The following KPNA6 variants were observed in gnomAD, a reference collection of about 807,000 sequenced individuals.
KPNA6 encodes importin subunit alpha-7.
Under a neutral mutation model 72.0 loss-of-function variants are expected in KPNA6, and 9 were observed. The observed-to-expected ratio is 0.13, with a 90% CI of 0.08 to 0.22. The LOEUF is 0.22. KPNA6 is among the 10% of genes least tolerant of loss of function. KPNA6 has a pLI of 1.00. For synonymous variants in KPNA6, 219 were observed against 242.1 expected (o/e 0.90, Z 0.89); for missense variants, 374 against 655.7 (o/e 0.57, Z 4.69).
chr1:32,168,763 A>G (rs1166426030), intron 12 of KPNA6, among the ~76,000 whole-genome samples: 1 of 152,146 alleles, frequency 6.6e-6, no homozygotes, highest in East Asian at 1.9e-4. Flanking sequence ...CTTGGAAGGG[A>G]ATAATGGGAG....
chr1:32,154,559 T>A, intron 1 of KPNA6, 29 bp from the exon 2 acceptor site: 1 of 1,600,256 alleles, frequency 6.2e-7, no homozygotes, highest in Non-Finnish European at 8.5e-7. Context: ...CTCTCAAGAG[T>A]TTTTGGCAGT....
At chr1:32,143,477 TGAG>T (rs1641875401) in intron 1 of KPNA6, among the ~76,000 whole-genome samples, 1 of 150,788 alleles carries the variant, frequency 6.6e-6, no homozygotes, top group Admixed American at 6.6e-5. Flanking sequence ...CCCCACTACT[TGAG>T]GAGAATCACT....
At chr1:32,157,062 C>T (rs191052978) in intron 3 of KPNA6, 117 bp downstream of exon 3, 1 of 715,598 alleles carries the variant, frequency 1.4e-6, no homozygotes, top group East Asian at 2.6e-5. Context: ...GTTCTTTCCT[C>T]TGTGGACCCT....
chr1:32,115,853 C>T (rs1447752944), intron 1 of KPNA6, among the ~76,000 whole-genome samples: 1 of 152,272 alleles, frequency 6.6e-6, no homozygotes, highest in East Asian at 1.9e-4. Context: ...AAGCGATTCT[C>T]CTGCCTCAGC....
intron 1 of KPNA6, among the ~76,000 whole-genome samples, chr1:32,121,176 C>T (rs1009461583): frequency 6.6e-6 from 1 of 152,128 alleles, no homozygotes; most frequent in Non-Finnish European, 1.5e-5. Context: ...CTGGCCGTAC[C>T]TAGGAGCTCT....
At chr1:32,165,078 GT>G (rs531487211) in intron 10 of KPNA6, among the ~76,000 whole-genome samples, 2 of 149,610 alleles carry the variant, frequency 1.3e-5, no homozygotes, top group Admixed American at 6.7e-5. Context: ...TTTTGAATTT[GT>G]TTTTTTTTGG....
intron 12 of KPNA6, among the ~76,000 whole-genome samples, chr1:32,169,486 G>A (rs901084904): frequency 1.9e-4 from 27 of 144,438 alleles, no homozygotes; most frequent in East Asian, 6.2e-4. Context: ...TCACTCTGTC[G>A]CCCAGGCTGG....
chr1:32,162,335 A>C, intron 8 of KPNA6, 26 bp from the exon 9 acceptor site: 1 of 1,554,130 alleles, frequency 6.4e-7, no homozygotes, highest in African/African-American at 1.4e-5. Context: ...TTCCCCTGTG[A>C]GTCTTTCTCA....
intron 1 of KPNA6, among the ~76,000 whole-genome samples, chr1:32,115,424 C>T (rs1641313515): frequency 1.3e-5 from 2 of 152,064 alleles, no homozygotes; most frequent in Admixed American, 1.3e-4. Flanking sequence ...AAGGCGTGAG[C>T]CACTGTGCCC....
chr1:32,165,107 A>G (rs542043743), intron 10 of KPNA6, among the ~76,000 whole-genome samples: 3 of 151,960 alleles, frequency 2.0e-5, no homozygotes, highest in Non-Finnish European at 4.4e-5. Context: ...GGGTTTTACC[A>G]TGTTGCCCAG....
intron 6 of KPNA6, 83 bp from the exon 7 acceptor site, chr1:32,160,532 G>A (rs973157279): frequency 1.3e-5 from 13 of 992,028 alleles, no homozygotes; most frequent in East Asian, 4.8e-5. Flanking sequence ...ATCCTGGTGG[G>A]TACTCACTTT....
At chr1:32,169,400 C>T (rs1251142496) in intron 12 of KPNA6, among the ~76,000 whole-genome samples, 1 of 150,898 alleles carries the variant, frequency 6.6e-6, no homozygotes, top group African/African-American at 2.4e-5. Context: ...GGAACACTCT[C>T]ATTCTCTGGC....
chr1:32,149,704 T>C (rs752862642), intron 1 of KPNA6, among the ~76,000 whole-genome samples: 1 of 152,232 alleles, frequency 6.6e-6, no homozygotes, highest in Non-Finnish European at 1.5e-5. Context: ...GGTATCATTT[T>C]CCTTCTACTT....
chr1:32,159,551 T>C lies in KPNA6; in HGVS notation c.558+20T>C. 1 of 1,611,010 alleles carries C rather than the reference T, an allele frequency of 6.2e-7. No homozygotes were observed. Among genetic ancestry groups the C allele is most frequent in the Non-Finnish European group, 8.5e-7 (1 of 1,178,264 alleles). The stretch of plus-strand genomic sequence containing the variant: ...GAACAGGTAATGCTTAGATTTGGTG[T>C]GATTCTTTATAGTACCTGTGGTATA... On this transcript the variant is annotated intron_variant, in intron 6 of 13. Transcript: ENST00000373625.
intron 1 of KPNA6, among the ~76,000 whole-genome samples, chr1:32,154,278 G>C (rs933197630): frequency 9.2e-5 from 14 of 152,188 alleles, no homozygotes; most frequent in African/African-American, 3.4e-4. Flanking sequence ...ACAGGAGCTT[G>C]TCCAAGGTTG....
rs190675899 is a variant in KPNA6 at position 32,172,627 on chromosome 1, G to A, written c.*1733G>A. The A allele has an allele frequency of 3.7e-3, 575 of 153,446 alleles. 3 individuals are homozygous for A. Among genetic ancestry groups the A allele is most frequent in the Non-Finnish European group, 5.3e-3 (367 of 69,330 alleles). 9.5% of individuals were successfully genotyped at this position (153,446 alleles called of 1,614,324 possible). On this transcript the variant is annotated 3_prime_UTR_variant, in exon 14 of 14. Transcript: ENST00000373625. Reference sequence around the variant, plus strand: ...TTCTTTCTGTTTGAATTACGGTAGTGCATTGCCTTAGTGGCTTGCCTGTGC... The same window carrying A: ...TTCTTTCTGTTTGAATTACGGTAGTACATTGCCTTAGTGGCTTGCCTGTGC...
chr1:32,142,449 C>A (rs1375692192), intron 1 of KPNA6, among the ~76,000 whole-genome samples: 1 of 152,046 alleles, frequency 6.6e-6, no homozygotes, highest in African/African-American at 2.4e-5. Context: ...AGGACTCTAT[C>A]TTCAAATATA....
At chr1:32,141,664 TG>T (rs1641840789) in intron 1 of KPNA6, among the ~76,000 whole-genome samples, 1 of 152,104 alleles carries the variant, frequency 6.6e-6, no homozygotes, top group East Asian at 1.9e-4. Flanking sequence ...CCCAAAGTGT[TG>T]GGGTTACAGA....
intron 10 of KPNA6, 41 bp downstream of exon 10, chr1:32,163,354 A>C: frequency 6.8e-7 from 1 of 1,462,042 alleles, no homozygotes; most frequent in Non-Finnish European, 9.5e-7. Context: ...CCAGCTATGG[A>C]AGAGCTTGTG....
Sources: allele counts gnomAD v4.1 joint callset (sites outside exome capture counted in the v4.1 genomes callset), GRCh38; gene constraint gnomAD v4.1.1; transcripts MANE v1.5; gene names NCBI Gene and HGNC (gene_info 2026-07-23, HGNC 2026-07-21).